The following C3orf22 variants were observed in gnomAD, a reference collection of about 807,000 sequenced individuals.
The protein encoded by C3orf22 is uncharacterized protein C3orf22.
C3orf22 carries 7 observed loss-of-function variants against 10.8 expected under a neutral mutation model. The observed-to-expected ratio is 0.65, with a 90% confidence interval of 0.37 to 1.22. C3orf22 has a LOEUF of 1.22. Among genes scored for constraint, C3orf22 ranks in the 50% most tolerant of loss-of-function variants. The pLI is 0.02. For missense variants in C3orf22, 173 were observed against 177.0 expected (o/e 0.98, Z 0.13); for synonymous variants, 79 against 78.9 (o/e 1.00, Z 0.00).
intron 4 of C3orf22, among the ~76,000 whole-genome samples, chr3:126,534,666 C>T (rs1936727176): frequency 6.7e-6 from 1 of 149,326 alleles, no homozygotes; most frequent in Non-Finnish European, 1.5e-5. Context: ...GACAGCATTG[C>T]TGTCCTCAGC....
chr3:126,552,492 C>T (rs1937216220), intron 2 of C3orf22, among the ~76,000 whole-genome samples: 1 of 152,210 alleles, frequency 6.6e-6, no homozygotes, highest in Admixed American at 6.5e-5. Flanking sequence ...GTGATGGTGT[C>T]TGCGGTGGGG....
At chr3:126,539,194 G>A (rs1367680357) in intron 4 of C3orf22, among the ~76,000 whole-genome samples, 1 of 152,172 alleles carries the variant, frequency 6.6e-6, no homozygotes, top group Non-Finnish European at 1.5e-5. Context: ...TCCCACCTGG[G>A]ATGACTGCGA....
intron 1 of C3orf22, among the ~76,000 whole-genome samples, chr3:126,555,520 G>A (rs1937306608): frequency 6.6e-6 from 1 of 152,154 alleles, no homozygotes; most frequent in African/African-American, 2.4e-5. Context: ...CAGATCAGCG[G>A]CAGCATTAGA....
rs1937252658 is a variant in C3orf22 at position 126,553,452 on chromosome 3, C to CA, written c.-40-23dup. ...ATGGCTGGAAGACAAGAGGAGGCGT[C>CA]AGAGGGGGCAGGGGTGGTGGGGGGC... On this transcript the variant is annotated intron_variant, in intron 1 of 3. Coordinates refer to ENST00000318225, the MANE Select transcript of C3orf22 (RefSeq NM_152533.3). 6 of 1,357,594 alleles carry CA rather than the reference C, an allele frequency of 4.4e-6. No homozygotes were observed. In the Admixed American group the frequency reaches 8.6e-5, roughly 20 times the overall value. The allele number at this position is 1,357,594 out of a possible 1,614,324, so 84.1% of individuals were successfully genotyped here.
At chr3:126,539,486 C>T (rs939369085) in intron 4 of C3orf22, among the ~76,000 whole-genome samples, 6 of 146,706 alleles carry the variant, frequency 4.1e-5, no homozygotes, top group Non-Finnish European at 9.0e-5. Context: ...CACACACACA[C>T]ATATGTACCC....
chr3:126,538,875 T>A (rs562108865), intron 4 of C3orf22, among the ~76,000 whole-genome samples: 1 of 152,228 alleles, frequency 6.6e-6, no homozygotes, highest in African/African-American at 2.4e-5. Context: ...GGTGAGATTT[T>A]AAAAATGTAA....
At chr3:126,553,455 A>C (rs1486998394) in intron 1 of C3orf22, 25 bp from the exon 2 acceptor site, 86 of 590,454 alleles carry the variant, frequency 1.5e-4, no homozygotes, top group Middle Eastern at 3.0e-4. Context: ...GAGGCGTCAG[A>C]GGGGGCAGGG....
chr3:126,541,684 C>A lies in C3orf22; in HGVS notation c.286+7853G>T, dbSNP rs757864875. On this transcript the variant is annotated intron_variant and NMD_transcript_variant, in intron 4 of 5. Transcript: ENST00000505070. ...CCGGGGCAGCGCCAGAGTCAGGGAG[C>A]CCGCGCTGCCCTGACGCGTCCCCCT... The A allele has an allele frequency of 1.2e-5, 16 of 1,374,976 alleles. No individual in the cohort carries two copies. In the South Asian group the frequency reaches 1.7e-4, roughly 15 times the overall value. The allele number at this position is 1,374,976 out of a possible 1,614,324, so 85.2% of individuals were successfully genotyped here. A position where few individuals can be genotyped will look rare whatever the true frequency, so the allele number is the denominator to read the frequency against.
chr3:126,541,228 G>A (rs1056785322), intron 4 of C3orf22, among the ~76,000 whole-genome samples: 1 of 152,236 alleles, frequency 6.6e-6, no homozygotes, highest in African/African-American at 2.4e-5. Context: ...TTTGCTGGGG[G>A]AATAAAAGGA....
intron 4 of C3orf22, among the ~76,000 whole-genome samples, chr3:126,530,842 C>T (rs1169984861): frequency 6.6e-6 from 1 of 152,260 alleles, no homozygotes. Flanking sequence ...ACAGGTGGCC[C>T]TGAACCTCCT....
chr3:126,546,185 G>T (rs1307082876), downstream of C3orf22, among the ~76,000 whole-genome samples: 1 of 152,186 alleles, frequency 6.6e-6, no homozygotes, highest in Non-Finnish European at 1.5e-5. Context: ...TGACCACCAG[G>T]CCTCTTGGCC....
chr3:126,554,390 A>C (rs1235751759), intron 1 of C3orf22, among the ~76,000 whole-genome samples: 6 of 151,616 alleles, frequency 4.0e-5, no homozygotes, highest in Non-Finnish European at 7.4e-5. Flanking sequence ...CAGCCTCCCA[A>C]GTAGCTGGGA....
downstream of C3orf22, among the ~76,000 whole-genome samples, chr3:126,549,003 C>T (rs1034113501): frequency 6.6e-6 from 1 of 152,214 alleles, no homozygotes; most frequent in East Asian, 1.9e-4. Flanking sequence ...TTGTAGAACA[C>T]AGTGGGGGGA....
chr3:126,552,200 C>G (rs1271666941), intron 2 of C3orf22, 78 bp from the exon 3 acceptor site: 5 of 1,601,104 alleles, frequency 3.1e-6, no homozygotes, highest in African/African-American at 1.3e-5. Context: ...CTGGAACTTT[C>G]CATCTGCTAG....
intron 4 of C3orf22, chr3:126,541,639 C>G (rs916630454): frequency 9.8e-6 from 12 of 1,224,376 alleles, no homozygotes; most frequent in Non-Finnish European, 1.3e-5. Flanking sequence ...CTCCTGCTCC[C>G]AATTCCCGGG....
chr3:126,538,908 C>G (rs1407838772), intron 4 of C3orf22, among the ~76,000 whole-genome samples: 1 of 152,154 alleles, frequency 6.6e-6, no homozygotes, highest in Non-Finnish European at 1.5e-5. Context: ...GCATTTGACA[C>G]TACAGAAGGG....
chr3:126,548,702 C>G (rs1416870100), downstream of C3orf22, among the ~76,000 whole-genome samples: 1 of 152,114 alleles, frequency 6.6e-6, no homozygotes, highest in Admixed American at 6.5e-5. Flanking sequence ...TGGGGCGGCA[C>G]AGTGCAGCCC....
chr3:126,553,200 C>T, intron 2 of C3orf22, 102 bp downstream of exon 2: 1 of 872,504 alleles, frequency 1.1e-6, no homozygotes, highest in Admixed American at 1.7e-5. Flanking sequence ...TGGACAAAAC[C>T]CCCTCCCAGC....
rs1937240155 is a variant in C3orf22, at chr3:126,553,185, C to G, written c.89+117G>C. ...GCTGGGCAAGGGCTGCTAAGGGTCT[C>G]CCTGTGGACAAAACCCCCTCCCAGC... On this transcript the variant is annotated intron_variant, in intron 2 of 3. Coordinates refer to ENST00000318225, the MANE Select transcript of C3orf22 (RefSeq NM_152533.3). 3.8e-6 allele frequency: 3 copies of G among 794,118 alleles called. No homozygotes were observed. The Admixed American group carries it at 5.2e-5, about 14-fold the overall frequency. The allele number at this position is 794,118 out of a possible 1,614,324, so 49.2% of individuals were successfully genotyped here. A position where few individuals can be genotyped will look rare whatever the true frequency, so the allele number is the denominator to read the frequency against.
Sources: allele counts gnomAD v4.1 joint callset (sites outside exome capture counted in the v4.1 genomes callset), GRCh38; gene constraint gnomAD v4.1.1; transcripts MANE v1.5; gene names NCBI Gene and HGNC (gene_info 2026-07-23, HGNC 2026-07-21).